Variants in CBLB observed in about 807,000 individuals in gnomAD.
CBLB encodes E3 ubiquitin-protein ligase CBL-B.
In CBLB, 31 loss-of-function variants were observed where a neutral mutation model predicts 104.9. The ratio of observed to expected loss-of-function variants is 0.30; its 90% CI spans 0.22 to 0.40. The LOEUF (loss-of-function observed/expected upper bound fraction) is 0.40. Among genes scored for constraint, CBLB ranks in the 10% least tolerant of loss-of-function variants. The probability of loss-of-function intolerance (pLI) is 1.00; values close to 1 mark genes in which losing one functional copy is unlikely to be tolerated. For missense variants in CBLB, 1,062 were observed against 1,214.6 expected (o/e 0.87, Z 1.87); for synonymous variants, 440 against 422.6 (o/e 1.04, Z -0.51).
chr3:105,673,062 T>C (rs2065234803), intron 17 of CBLB: 1 of 146,536 alleles, frequency 6.8e-6, no homozygotes, highest in Non-Finnish European at 1.5e-5. Flanking sequence ...GAGGAGGAAG[T>C]ATGGATTTTT....
intron 4 of CBLB, among the ~76,000 whole-genome samples, chr3:105,771,561 A>C (rs1244813601): frequency 2.6e-5 from 4 of 152,230 alleles, no homozygotes; most frequent in South Asian, 2.1e-4. Flanking sequence ...AAGAAAGAAG[A>C]AGCATCCAAA....
intron 10 of CBLB, among the ~76,000 whole-genome samples, chr3:105,717,466 A>T (rs1350977919): frequency 6.6e-6 from 1 of 152,242 alleles, no homozygotes; most frequent in Non-Finnish European, 1.5e-5. Context: ...CAAGATGTAA[A>T]ATCAAGGACA....
chr3:105,675,130 A>G (rs1281730353), intron 17 of CBLB, among the ~76,000 whole-genome samples: 2 of 152,194 alleles, frequency 1.3e-5, no homozygotes, highest in Non-Finnish European at 2.9e-5. Context: ...TCTTCCTAAG[A>G]CACCTATCAT....
intron 4 of CBLB, among the ~76,000 whole-genome samples, chr3:105,758,848 T>C (rs4894948): frequency 0.99 from 150,248 of 152,338 alleles, 74,132 homozygotes; most frequent in East Asian, 1. Context: ...AACTGCAGTC[T>C]CCCAAATGGG....
chr3:105,866,821 T>C (rs746195926), intron 2 of CBLB, among the ~76,000 whole-genome samples: 3 of 152,166 alleles, frequency 2.0e-5, no homozygotes, highest in Non-Finnish European at 4.4e-5. Context: ...CAATAAACAA[T>C]GTGCCATCGA....
intron 5 of CBLB, 145 bp from the exon 6 acceptor site, chr3:105,746,183 G>A (rs1322264410): frequency 4.0e-5 from 24 of 600,732 alleles, no homozygotes; most frequent in South Asian, 3.8e-4. Flanking sequence ...GTCAACCTTT[G>A]TTACTTAACA....
rs1217876696 is a variant in CBLB, at chr3:105,657,124, C to G, written c.*1846G>C. ...AGGCCTGTGAGTCCTCATCTCATAC[C>G]ATGAAAGCCAGACTGTCAAAAAAAG... On this transcript the variant is annotated 3_prime_UTR_variant, in exon 19 of 19. Transcript: ENST00000394030. 4.4e-6 allele frequency: 1 copy of G among 225,394 alleles called. No individual in the cohort carries two copies. Among genetic ancestry groups the G allele is most frequent in the South Asian group, 1.8e-4 (1 of 5,470 alleles). 14.0% of individuals were successfully genotyped at this position (225,394 alleles called of 1,614,324 possible).
chr3:105,778,978 C>G (rs2079815463), intron 3 of CBLB, among the ~76,000 whole-genome samples: 1 of 152,122 alleles, frequency 6.6e-6, no homozygotes, highest in Non-Finnish European at 1.5e-5. Context: ...CTTAGGAAAT[C>G]TGCAATGAAT....
At chr3:105,721,827 A>C (rs927047304) in intron 9 of CBLB, among the ~76,000 whole-genome samples, 2 of 152,138 alleles carry the variant, frequency 1.3e-5, no homozygotes, top group Admixed American at 1.3e-4. Flanking sequence ...TCTCCTATAA[A>C]AAGAGTATTA....
chr3:105,861,486 G>T (rs1296472998), intron 2 of CBLB, among the ~76,000 whole-genome samples: 2 of 151,586 alleles, frequency 1.3e-5, no homozygotes, highest in Non-Finnish European at 2.9e-5. Flanking sequence ...CTGTGTAAGT[G>T]GAAGTTACAT....
intron 3 of CBLB, among the ~76,000 whole-genome samples, chr3:105,847,392 C>CCACACA (rs112192218): frequency 0.069 from 9,935 of 143,442 alleles, 457 homozygotes; most frequent in East Asian, 0.26. Flanking sequence ...TAACCCTCCA[C>CCACACA]CACACACACA....
intron 2 of CBLB, among the ~76,000 whole-genome samples, chr3:105,855,169 A>G (rs554873915): frequency 1.6e-4 from 24 of 152,210 alleles, no homozygotes; most frequent in Non-Finnish European, 3.2e-4. Flanking sequence ...CTATTAATAT[A>G]TGATCTCATT....
At chr3:105,836,336 A>G (rs1304714135) in intron 3 of CBLB, among the ~76,000 whole-genome samples, 2 of 152,236 alleles carry the variant, frequency 1.3e-5, no homozygotes, top group African/African-American at 4.8e-5. Flanking sequence ...GTCTAACATG[A>G]TCTCCCAGGA....
intron 1 of CBLB, chr3:105,868,211 A>C (rs1231820444): frequency 8.1e-7 from 1 of 1,232,760 alleles, no homozygotes; most frequent in African/African-American, 1.5e-5. Flanking sequence ...CCCAAGAACC[A>C]AATGAAATTA....
intron 3 of CBLB, among the ~76,000 whole-genome samples, chr3:105,830,478 T>C (rs965477778): frequency 2.6e-5 from 4 of 152,196 alleles, no homozygotes; most frequent in Non-Finnish European, 4.4e-5. Flanking sequence ...TAAAGCATCA[T>C]ATAACAAGAA....
At chr3:105,869,184 A>C (rs925675492), upstream of CBLB, 5 of 620,492 alleles carry the variant, frequency 8.1e-6, no homozygotes, top group Non-Finnish European at 1.1e-5. Flanking sequence ...CACGTCCTCC[A>C]CAGTACACAA....
chr3:105,797,214 A>G (rs939282893), intron 3 of CBLB, among the ~76,000 whole-genome samples: 1 of 152,238 alleles, frequency 6.6e-6, no homozygotes, highest in African/African-American at 2.4e-5. Context: ...CTGGATAAAG[A>G]CAGTGTGGTA....
chr3:105,774,187 A>G (rs937995131), intron 4 of CBLB, among the ~76,000 whole-genome samples: 1 of 152,226 alleles, frequency 6.6e-6, no homozygotes, highest in Non-Finnish European at 1.5e-5. Flanking sequence ...GCATTCTTAC[A>G]TGGCCTCAAT....
intron 13 of CBLB, among the ~76,000 whole-genome samples, chr3:105,689,570 C>T (rs962488517): frequency 5.3e-5 from 8 of 150,576 alleles, no homozygotes; most frequent in Non-Finnish European, 1.2e-4. Context: ...GAAGTAATTA[C>T]TCCATTATTA....
Sources: gnomAD v4.1 joint callset for allele counts (sites outside exome capture counted in the v4.1 genomes callset) on GRCh38, gnomAD v4.1.1 for gene constraint, MANE v1.5 for transcripts, NCBI Gene and HGNC (gene_info 2026-07-23, HGNC 2026-07-21) for gene names.